NBAS: variants seen among roughly 807,000 people sequenced by gnomAD.
NBAS encodes NBAS subunit of NRZ tethering complex, also known as NAG/BC035112 fusion.
NBAS carries 219 observed loss-of-function variants against 302.5 expected under a neutral mutation model. The ratio of observed to expected loss-of-function variants is 0.72; its 90% confidence interval spans 0.65 to 0.81. The LOEUF is 0.81. Ranked by LOEUF, NBAS falls within the 30% of genes least tolerant of loss-of-function variation. The probability of loss-of-function intolerance (pLI) is 0.00; values close to 1 mark genes in which losing one functional copy is unlikely to be tolerated. For synonymous variants in NBAS, 1,118 were observed against 1,021.6 expected, an observed-to-expected ratio of 1.09 and a Z score of -1.80; for missense variants, 2,932 against 2,841.6, an observed-to-expected ratio of 1.03 and a Z score of -0.72.
At chr2:15,400,497 AG>A (rs1215726796) in intron 26 of NBAS, among the ~76,000 whole-genome samples, 1 of 152,218 alleles carries the variant, frequency 6.6e-6, no homozygotes, top group Non-Finnish European at 1.5e-5. Flanking sequence ...CTTCCATAAA[AG>A]GAAGTCAAAA....
intron 21 of NBAS, among the ~76,000 whole-genome samples, chr2:15,445,318 T>A (rs954836535): frequency 1.4e-5 from 2 of 147,446 alleles, no homozygotes; most frequent in African/African-American, 5.0e-5. Flanking sequence ...TGGAATACTA[T>A]GCAGCCATAA....
chr2:14,979,751 T>C, the NBAS span, among the ~76,000 whole-genome samples: 2 of 152,062 alleles, frequency 1.3e-5, no homozygotes, highest in Admixed American at 6.6e-5. Flanking sequence ...AAAAAAAAAG[T>C]TTTACAATAA....
the NBAS span, among the ~76,000 whole-genome samples, chr2:15,092,618 T>A: frequency 1.3e-5 from 2 of 152,210 alleles, no homozygotes; most frequent in African/African-American, 4.8e-5. Flanking sequence ...GTTCCCTAGT[T>A]CTGCAGTAAC....
At chr2:15,350,715 A>G (rs561067218) in intron 35 of NBAS, among the ~76,000 whole-genome samples, 4 of 152,344 alleles carry the variant, frequency 2.6e-5, no homozygotes, top group Middle Eastern at 3.4e-3. Context: ...AGAGAATCGA[A>G]CAAGTACCTC....
chr2:15,366,832 G>T, intron 31 of NBAS, 139 bp from the exon 32 acceptor site: 1 of 762,576 alleles, frequency 1.3e-6, no homozygotes. Context: ...AAAAGTAAAA[G>T]GCACGTTTAA....
At chr2:14,874,600 A>C in the NBAS span, among the ~76,000 whole-genome samples, 2 of 151,156 alleles carry the variant, frequency 1.3e-5, no homozygotes, top group African/African-American at 4.9e-5. Flanking sequence ...AGATGGCGCC[A>C]CTGCACTCCA....
chr2:15,216,461 G>A (rs576588091), intron 48 of NBAS, among the ~76,000 whole-genome samples: 1 of 152,252 alleles, frequency 6.6e-6, no homozygotes, highest in African/African-American at 2.4e-5. Flanking sequence ...AGAGAAAATA[G>A]TTTGCACTCA....
rs78047436 is a variant in NBAS at position 15,189,054 on chromosome 2, C to T, written c.6572+1210G>A. ...CCCAGGACCCTGCTTTGAACAAGCACCCCAGGCTCCGAAGGCACCCACACC... is the reference window on the plus strand; with the variant it reads ...CCCAGGACCCTGCTTTGAACAAGCATCCCAGGCTCCGAAGGCACCCACACC... On this transcript the variant is annotated intron_variant, in intron 49 of 51. Transcript: ENST00000281513. Among the ~76,000 whole-genome samples, 33 of 152,172 alleles carry T rather than the reference C, an allele frequency of 2.2e-4. 1 individual carries two copies. The East Asian group carries it at 6.2e-3, about 29-fold the overall frequency.
chr2:15,146,552 G>T, the NBAS span, among the ~76,000 whole-genome samples: 1 of 152,130 alleles, frequency 6.6e-6, no homozygotes, highest in Non-Finnish European at 1.5e-5. Flanking sequence ...GAGAGGGGCT[G>T]TGGCATAAAT....
chr2:15,277,499 CA>C (rs1301955436), intron 42 of NBAS, among the ~76,000 whole-genome samples: 1 of 152,146 alleles, frequency 6.6e-6, no homozygotes, highest in Admixed American at 6.5e-5. Context: ...GAAACATAAA[CA>C]GCCTTATTAT....
chr2:15,504,325 A>G (rs1661741107), intron 10 of NBAS, 112 bp from the exon 11 acceptor site: 1 of 907,000 alleles, frequency 1.1e-6, no homozygotes, highest in Admixed American at 2.0e-5. Context: ...TTTTTAATTG[A>G]TTAAAGAAAA....
the NBAS span, among the ~76,000 whole-genome samples, chr2:15,050,030 A>T: frequency 2.6e-5 from 4 of 152,156 alleles, no homozygotes; most frequent in Non-Finnish European, 5.9e-5. Context: ...CTGTAATTTG[A>T]ACAAGATATG....
At chr2:15,418,406 T>A (rs1677049352) in intron 23 of NBAS, among the ~76,000 whole-genome samples, 1 of 152,312 alleles carries the variant, frequency 6.6e-6, no homozygotes, top group East Asian at 1.9e-4. Flanking sequence ...CCATTCTCTC[T>A]CACACTACTT....
chr2:15,410,957 G>A (rs1676656251), intron 25 of NBAS, among the ~76,000 whole-genome samples: 1 of 152,202 alleles, frequency 6.6e-6, no homozygotes, highest in African/African-American at 2.4e-5. Flanking sequence ...TCCCAGTGCT[G>A]CAGCTTCCAA....
intron 38 of NBAS, among the ~76,000 whole-genome samples, chr2:15,320,107 A>C (rs562107047): frequency 1.3e-5 from 2 of 152,302 alleles, no homozygotes; most frequent in South Asian, 4.2e-4. Context: ...GCAAATCAAT[A>C]AACATAATCC....
At chr2:15,210,707 AT>A (rs1355834734) in intron 48 of NBAS, among the ~76,000 whole-genome samples, 1 of 152,176 alleles carries the variant, frequency 6.6e-6, no homozygotes, top group East Asian at 1.9e-4. Context: ...AACAGCCACA[AT>A]TTGGAAGCTA....
At chr2:15,466,936 C>CAA (rs35850907) in intron 19 of NBAS, among the ~76,000 whole-genome samples, 81,189 of 132,568 alleles carry the variant, frequency 0.61, 24,670 homozygotes, top group Middle Eastern at 0.7. Context: ...GATCCTATCT[C>CAA]AAAAAAAAAA....
chr2:14,812,779 GA>G, the NBAS span, among the ~76,000 whole-genome samples: 1 of 152,138 alleles, frequency 6.6e-6, no homozygotes, highest in Non-Finnish European at 1.5e-5. Context: ...AAAACCTGAA[GA>G]TCAAATACTG....
intron 21 of NBAS, among the ~76,000 whole-genome samples, chr2:15,439,692 G>T (rs534685287): frequency 7.9e-4 from 120 of 152,316 alleles, no homozygotes; most frequent in African/African-American, 2.5e-3. Context: ...ACAAGCCGAA[G>T]TAGGGCGAGG....
Sources: gnomAD v4.1 joint callset for allele counts (sites outside exome capture counted in the v4.1 genomes callset) on GRCh38, gnomAD v4.1.1 for gene constraint, MANE v1.5 for transcripts, NCBI Gene and HGNC (gene_info 2026-07-23, HGNC 2026-07-21) for gene names.